TXNRD1: variants seen among roughly 807,000 people sequenced by gnomAD.
TXNRD1 encodes thioredoxin reductase 1, cytoplasmic.
In TXNRD1, 57 loss-of-function variants were observed where a neutral mutation model predicts 80.3. The ratio of observed to expected loss-of-function variants is 0.71; its 90% confidence interval spans 0.57 to 0.89. The LOEUF is 0.89. Ranked by LOEUF, TXNRD1 falls within the 40% of genes least tolerant of loss-of-function variation. The pLI, the probability that TXNRD1 is intolerant of heterozygous loss-of-function variation, is 0.00. For missense variants in TXNRD1, 730 were observed against 803.0 expected, an observed-to-expected ratio of 0.91 and a Z score of 1.10; for synonymous variants, 291 against 285.2, an observed-to-expected ratio of 1.02 and a Z score of -0.20.
intron 4 of TXNRD1, chr12:104,304,857 C>G (rs1384261296): frequency 6.2e-7 from 1 of 1,613,758 alleles, no homozygotes; most frequent in African/African-American, 1.3e-5. Flanking sequence ...GGAGTTATAT[C>G]TTTGACTTTA....
At chr12:104,309,839 C>T (rs1233234659) in intron 4 of TXNRD1, 1 of 1,535,212 alleles carries the variant, frequency 6.5e-7, no homozygotes, top group Non-Finnish European at 8.7e-7. Context: ...TTGTGCTAGA[C>T]CTTTTGTGCA....
At chr12:104,321,442 G>T (rs547238974) in intron 10 of TXNRD1, 126 bp downstream of exon 10, 4 of 704,514 alleles carry the variant, frequency 5.7e-6, no homozygotes, top group African/African-American at 5.4e-5. Context: ...TTCCCCTACT[G>T]TTGTATACTG....
At chr12:104,346,322 T>C (rs1289533731) in intron 16 of TXNRD1, among the ~76,000 whole-genome samples, 2 of 152,202 alleles carry the variant, frequency 1.3e-5, no homozygotes, top group African/African-American at 4.8e-5. Flanking sequence ...CAGTTTTTTA[T>C]TTAGACTGAT....
intron 1 of TXNRD1, among the ~76,000 whole-genome samples, chr12:104,235,683 C>G (rs911139323): frequency 2.6e-5 from 4 of 152,224 alleles, no homozygotes; most frequent in African/African-American, 9.6e-5. Context: ...GCATGTCTTT[C>G]TGTGTGGTTC....
At chr12:104,245,796 A>AT (rs1043387167) in intron 1 of TXNRD1, among the ~76,000 whole-genome samples, 3 of 151,384 alleles carry the variant, frequency 2.0e-5, no homozygotes, top group South Asian at 2.1e-4. Context: ...GGGAGTTTTC[A>AT]TTTTTTTTGT....
chr12:104,313,196 A>T, intron 5 of TXNRD1, 49 bp from the exon 6 acceptor site: 2 of 1,456,278 alleles, frequency 1.4e-6, no homozygotes, highest in South Asian at 2.5e-5. Context: ...CCCATTTCCA[A>T]TCTGTCATGT....
intron 3 of TXNRD1, among the ~76,000 whole-genome samples, chr12:104,267,251 C>CTTTCTTTCTTTCTTTCTTTCTTTCTTTT (rs2033519688): frequency 4.7e-5 from 6 of 127,920 alleles, no homozygotes; most frequent in Admixed American, 8.6e-5. Flanking sequence ...CTCTTTCTTT[C>CTTTCTTTCTTTCTTTCTTTCTTTCTTTT]TTTCTTTCTT....
intron 13 of TXNRD1, among the ~76,000 whole-genome samples, chr12:104,328,617 G>A (rs889187952): frequency 6.6e-5 from 10 of 152,092 alleles, no homozygotes; most frequent in East Asian, 3.9e-4. Context: ...TTAGCCGGCC[G>A]TGGTGGTGGC....
intron 4 of TXNRD1, among the ~76,000 whole-genome samples, chr12:104,294,260 G>A (rs189080251): frequency 0.039 from 4,804 of 122,370 alleles, 194 homozygotes; most frequent in African/African-American, 0.079. Context: ...CGGCTTTCCC[G>A]GTCTGCTAAG....
Position 104,298,586 on chromosome 12 carries a change from C to T in TXNRD1, c.414+9546C>T, listed in dbSNP as rs373723296. 2.0e-4 allele frequency among the ~76,000 whole-genome samples: 30 copies of T among 151,998 alleles called. No homozygotes were observed. In the East Asian group the frequency reaches 2.9e-3, roughly 15 times the overall value. ...TAAAAATACAAAACTTAGCTGGGCG[C>T]GGTGGCACACACGTGTAATCCCAGC... On this transcript the variant is annotated intron_variant, in intron 4 of 16. Transcript: ENST00000525566.
At chr12:104,325,208 TG>T in intron 10 of TXNRD1, 128 bp from the exon 11 acceptor site, 1 of 668,374 alleles carries the variant, frequency 1.5e-6, no homozygotes, top group South Asian at 1.7e-5. Context: ...GTGAGGGAGA[TG>T]GGACATAAAA....
chr12:104,331,750 G>A lies in TXNRD1; in HGVS notation c.1650+109G>A, dbSNP rs572844652. 7 of 677,456 alleles carry A rather than the reference G, an allele frequency of 1.0e-5. No homozygotes were observed. In the South Asian group the frequency reaches 1.2e-4, roughly 12 times the overall value. 42.0% of individuals were successfully genotyped at this position (677,456 alleles called of 1,614,324 possible). ...TAGTACAAAGCATTTTCATATACCC[G>A]TTATCCAGATTCATATATTACTAAC... On this transcript the variant is annotated intron_variant, in intron 14 of 16. Coordinates refer to ENST00000525566, the MANE Select transcript of TXNRD1 (RefSeq NM_001093771.3).
At chr12:104,270,297 A>G (rs551247657) in intron 3 of TXNRD1, among the ~76,000 whole-genome samples, 1 of 152,366 alleles carries the variant, frequency 6.6e-6, no homozygotes, top group Admixed American at 6.5e-5. Context: ...TTTCTTAAAT[A>G]ATAAGACTTG....
chr12:104,279,792 C>T (rs1047796109), intron 3 of TXNRD1, among the ~76,000 whole-genome samples: 4 of 152,070 alleles, frequency 2.6e-5, no homozygotes, highest in African/African-American at 4.8e-5. Context: ...TGGCCAGGCA[C>T]GGTGGCTCAC....
chr12:104,267,609 G>C (rs554297747), intron 3 of TXNRD1, among the ~76,000 whole-genome samples: 1 of 150,132 alleles, frequency 6.7e-6, no homozygotes, highest in African/African-American at 2.5e-5. Context: ...AATGTTCATG[G>C]TGTTGATATC....
At chr12:104,259,889 A>C (rs1250910217) in intron 3 of TXNRD1, among the ~76,000 whole-genome samples, 3 of 152,214 alleles carry the variant, frequency 2.0e-5, no homozygotes, top group African/African-American at 7.2e-5. Context: ...AGAGCATCAC[A>C]TAATAACTAC....
chr12:104,244,892 G>A (rs548993842), intron 1 of TXNRD1, among the ~76,000 whole-genome samples: 1 of 152,350 alleles, frequency 6.6e-6, no homozygotes, highest in East Asian at 1.9e-4. Flanking sequence ...GCTTGGGAGA[G>A]AGAAAAGCTG....
At chr12:104,223,179 A>C (rs949980679) in intron 1 of TXNRD1, among the ~76,000 whole-genome samples, 1 of 152,194 alleles carries the variant, frequency 6.6e-6, no homozygotes, top group Non-Finnish European at 1.5e-5. Context: ...AATCCCCTCA[A>C]ATGTGCTGCC....
intron 4 of TXNRD1, among the ~76,000 whole-genome samples, chr12:104,307,433 G>A (rs1166137355): frequency 1.3e-5 from 2 of 152,156 alleles, no homozygotes; most frequent in East Asian, 3.9e-4. Context: ...TCAGGAGATG[G>A]AGAATTAGTA....
Sources: gnomAD v4.1 joint callset for allele counts (sites outside exome capture counted in the v4.1 genomes callset) on GRCh38, gnomAD v4.1.1 for gene constraint, MANE v1.5 for transcripts, NCBI Gene and HGNC (gene_info 2026-07-23, HGNC 2026-07-21) for gene names.